IFI44: variants seen among roughly 807,000 people sequenced by gnomAD.
IFI44 encodes interferon induced protein 44, also known as interferon-induced protein 44.
A neutral mutation model predicts 45.0 loss-of-function variants in IFI44; 42 were observed. The ratio of observed to expected loss-of-function variants is 0.93; its 90% CI spans 0.73 to 1.21. IFI44 has a LOEUF of 1.21. Among genes scored for constraint, IFI44 ranks in the 50% most tolerant of loss-of-function variants. The probability of loss-of-function intolerance (pLI) is 0.00; values close to 1 mark genes in which losing one functional copy is unlikely to be tolerated. For missense variants in IFI44, 623 were observed against 525.8 expected, an observed-to-expected ratio of 1.18 and a Z score of -1.81; for synonymous variants, 221 against 188.6, an observed-to-expected ratio of 1.17 and a Z score of -1.41.
chr1:78,651,661 A>G (rs567138243), intron 2 of IFI44, among the ~76,000 whole-genome samples: 27 of 152,138 alleles, frequency 1.8e-4, no homozygotes, highest in Non-Finnish European at 3.5e-4. Context: ...ATCTTGCATA[A>G]GTAAAACTTT....
At chr1:78,660,491 A>T in intron 6 of IFI44, 63 bp from the exon 7 acceptor site, 1 of 1,179,418 alleles carries the variant, frequency 8.5e-7, no homozygotes, top group Non-Finnish European at 1.3e-6. Context: ...CATAATTGAT[A>T]GTTAAATAAC....
intron 8 of IFI44, 83 bp from the exon 9 acceptor site, chr1:78,663,682 T>A: frequency 6.4e-7 from 1 of 1,562,254 alleles, no homozygotes; most frequent in Non-Finnish European, 8.6e-7. Context: ...TGGTTGAGAT[T>A]TTCAGTGGTC....
intron 8 of IFI44, chr1:78,663,086 T>G (rs1329221688): frequency 1.0e-6 from 1 of 985,248 alleles, no homozygotes; most frequent in Non-Finnish European, 1.2e-6. Flanking sequence ...ATCTGCACTA[T>G]GTTTTTCCCT....
At chr1:78,653,509 T>C (rs1647156330) in intron 2 of IFI44, among the ~76,000 whole-genome samples, 1 of 152,238 alleles carries the variant, frequency 6.6e-6, no homozygotes. Flanking sequence ...ATGTTCCACA[T>C]GATATTCTTC....
intron 8 of IFI44, 162 bp from the exon 9 acceptor site, chr1:78,663,603 C>G: frequency 1.0e-6 from 1 of 985,358 alleles, no homozygotes; most frequent in Non-Finnish European, 1.2e-6. Flanking sequence ...CTTTGTTGCT[C>G]TAACTCTGCC....
chr1:78,662,023 G>A (rs1169412344), intron 7 of IFI44, among the ~76,000 whole-genome samples: 1 of 152,120 alleles, frequency 6.6e-6, no homozygotes, highest in East Asian at 1.9e-4. Flanking sequence ...TTTTGAAAGA[G>A]TAATGATATG....
intron 8 of IFI44, chr1:78,663,563 C>T: frequency 2.0e-6 from 2 of 985,298 alleles, no homozygotes; most frequent in Non-Finnish European, 2.4e-6. Context: ...CTCTCTTACT[C>T]AAATTGCTGG....
At position 78,655,077 on chromosome 1, in the gene IFI44, A is replaced by C; in HGVS notation, c.558A>C (p.Gln186His). 4 of 1,613,936 alleles carry C rather than the reference A, an allele frequency of 2.5e-6. No homozygotes were observed. Among genetic ancestry groups the C allele is most frequent in the Non-Finnish European group, 3.4e-6 (4 of 1,179,874 alleles). The change falls in exon 4 of 9, where the codon CAA becomes CAC. Residue 186 changes from glutamine (Q) to histidine (H), a missense_variant. Transcript: ENST00000370747. ...TYEPYGSLVQ[Q>H]IRILLLGPIG... ...AACCATATGGATCCCTGGTTCAACA[A>C]ATACGAATTCTGCTGCTGGGTCCAA...
rs79518871 is a variant in IFI44, at chr1:78,654,201, C to T, written c.458-42C>T. 2.1e-4 allele frequency: 227 copies of T among 1,097,112 alleles called. No homozygotes were observed. The East Asian group carries it at 4.6e-3, about 22-fold the overall frequency. 68.0% of individuals were successfully genotyped at this position (1,097,112 alleles called of 1,614,324 possible). On this transcript the variant is annotated intron_variant, in intron 2 of 8. Transcript: ENST00000370747. ...TCATTCATTCATTCAGCCAATTATT[C>T]GACAACTTCTAATCTACATTATTCT...
At chr1:78,660,399 G>A (rs1459974567) in intron 6 of IFI44, among the ~76,000 whole-genome samples, 155 bp from the exon 7 acceptor site, 1 of 152,166 alleles carries the variant, frequency 6.6e-6, no homozygotes, top group African/African-American at 2.4e-5. Context: ...AAGTAGTCCA[G>A]GGGAGTTTTT....
At chr1:78,651,151 GT>G (rs371700571) in intron 2 of IFI44, among the ~76,000 whole-genome samples, 207 of 152,320 alleles carry the variant, frequency 1.4e-3, no homozygotes, top group African/African-American at 4.7e-3. Flanking sequence ...CAGACTGGTG[GT>G]GGGGGGATGA....
In IFI44 at chr1:78,655,139, G is replaced by A; in HGVS notation, c.620G>A (p.Arg207Lys). The change falls in exon 4 of 9, where the codon AGG (arginine) becomes AAG (lysine). Residue 207 changes from arginine (R) to lysine (K), a missense_variant. Physicochemically the swap from Arg to Lys is conservative, Grantham distance 26. Transcript: ENST00000370747. ...AGKSSFFNSV[R>K]SVFQGHVTHQ... is the part of the protein sequence containing the mutation. Reference sequence around the variant, plus strand: ...AAGTCCAGCTTTTTCAACTCAGTGAGGTCTGTTTTCCAAGGGCATGTAACG... The same window carrying A: ...AAGTCCAGCTTTTTCAACTCAGTGAAGTCTGTTTTCCAAGGGCATGTAACG... 6 of 1,613,902 alleles carry A rather than the reference G, an allele frequency of 3.7e-6. No homozygotes were observed. The highest frequency in any genetic ancestry group is 5.1e-6 in the Non-Finnish European group (6 of 1,179,874).
At chr1:78,663,015 C>G (rs754511893) in intron 8 of IFI44, 137 bp downstream of exon 8, 5 of 1,531,572 alleles carry the variant, frequency 3.3e-6, no homozygotes, top group Admixed American at 4.1e-5. Context: ...TTTTAACCCA[C>G]TCCCTGGATG....
intron 3 of IFI44, among the ~76,000 whole-genome samples, chr1:78,654,519 T>C (rs967770593): frequency 1.3e-5 from 2 of 152,080 alleles, no homozygotes; most frequent in African/African-American, 4.8e-5. Context: ...CTTGTTTGTA[T>C]GTCTGTGTTT....
chr1:78,659,827 C>T (rs1347566109), intron 6 of IFI44, among the ~76,000 whole-genome samples: 1 of 151,990 alleles, frequency 6.6e-6, no homozygotes, highest in Non-Finnish European at 1.5e-5. Context: ...GCTTTATTGA[C>T]CAATATTGGG....
In IFI44 at chr1:78,663,249, G is replaced by A. The variant is rs1026506623; in HGVS notation, c.1288+371G>A. ...GGATTGGCATTGCTCCTGATCAGATGAGACCTTTGATTATTTGCCCCTTCC... is the reference window on the plus strand; with the variant it reads ...GGATTGGCATTGCTCCTGATCAGATAAGACCTTTGATTATTTGCCCCTTCC... On this transcript the variant is annotated intron_variant, in intron 8 of 8. Coordinates refer to ENST00000370747, the MANE Select transcript of IFI44 (RefSeq NM_006417.5). The A allele has an allele frequency of 1.0e-5, 10 of 985,186 alleles. No individual in the cohort carries two copies. The African/African-American group carries it at 1.7e-4, about 17-fold the overall frequency. The allele number at this position is 985,186 out of a possible 1,614,324, so 61.0% of individuals were successfully genotyped here. A position where few individuals can be genotyped will look rare whatever the true frequency, so the allele number is the denominator to read the frequency against.
At chr1:78,661,528 G>A (rs971750462) in intron 7 of IFI44, among the ~76,000 whole-genome samples, 3 of 151,820 alleles carry the variant, frequency 2.0e-5, no homozygotes, top group African/African-American at 7.3e-5. Context: ...TATCTTTAAG[G>A]TTGAGCCAGT....
In IFI44 at chr1:78,662,896, G is replaced by A. The variant is rs754117126; in HGVS notation, c.1288+18G>A. Reference sequence around the variant, plus strand: ...GCAAATAGGTAGATGGTTTGGTGGTGTGGAAGCTTGGAAGCGGTCAGGTAG... The same window carrying A: ...GCAAATAGGTAGATGGTTTGGTGGTATGGAAGCTTGGAAGCGGTCAGGTAG... On this transcript the variant is annotated intron_variant, in intron 8 of 8. Coordinates refer to ENST00000370747, the MANE Select transcript of IFI44 (RefSeq NM_006417.5). The A allele has an allele frequency of 2.5e-6, 4 of 1,613,138 alleles. No homozygotes were observed. The East Asian group carries it at 8.9e-5, about 36-fold the overall frequency.
chr1:78,655,092 G>C lies in IFI44; in HGVS notation c.573G>C (p.Leu191=), dbSNP rs1051031. The C allele has an allele frequency of 3.1e-6, 5 of 1,613,908 alleles. No individual in the cohort carries two copies. Among genetic ancestry groups the C allele is most frequent in the Non-Finnish European group, 3.4e-6 (4 of 1,179,864 alleles). The part of the protein sequence containing the change: ...GSLVQQIRIL[L]LGPIGAGKSS... The stretch of plus-strand genomic sequence containing the variant: ...TGGTTCAACAAATACGAATTCTGCT[G>C]CTGGGTCCAATTGGAGCTGGGAAGT... The change falls in exon 4 of 9, where the codon CTG becomes CTC. Residue 191 remains leucine, a synonymous_variant. Coordinates refer to ENST00000370747, the MANE Select transcript of IFI44 (RefSeq NM_006417.5).
Sources: allele counts gnomAD v4.1 joint callset (sites outside exome capture counted in the v4.1 genomes callset), GRCh38; gene constraint gnomAD v4.1.1; transcripts MANE v1.5; gene names NCBI Gene and HGNC (gene_info 2026-07-23, HGNC 2026-07-21).